Variants in CDH12 observed in about 807,000 individuals in gnomAD.
The protein encoded by CDH12 is cadherin-12.
Under a neutral mutation model 74.1 loss-of-function variants are expected in CDH12, and 41 were observed. The ratio of observed to expected loss-of-function variants is 0.55; its 90% CI spans 0.43 to 0.72. The LOEUF (loss-of-function observed/expected upper bound fraction) is 0.72. Among genes scored for constraint, CDH12 ranks in the 30% least tolerant of loss-of-function variants. The pLI is 0.00. For synonymous variants in CDH12, 399 were observed against 355.0 expected (o/e 1.12, Z -1.39); for missense variants, 945 against 977.2 (o/e 0.97, Z 0.44).
intron 3 of CDH12, among the ~76,000 whole-genome samples, chr5:22,232,949 C>T (rs6894437): frequency 1.3e-4 from 19 of 148,992 alleles, no homozygotes; most frequent in African/African-American, 4.4e-4. Context: ...TGTAGAGAAT[C>T]GAATAACCAT....
intron 3 of CDH12, among the ~76,000 whole-genome samples, chr5:22,245,227 A>G (rs1752906106): frequency 6.6e-6 from 1 of 152,192 alleles, no homozygotes; most frequent in African/African-American, 2.4e-5. Flanking sequence ...GGCTACTGAA[A>G]AATTATGAAC....
chr5:21,974,003 G>A (rs1222646529), intron 6 of CDH12, among the ~76,000 whole-genome samples: 1 of 151,794 alleles, frequency 6.6e-6, no homozygotes, highest in Non-Finnish European at 1.5e-5. Flanking sequence ...CTTAGGTCAA[G>A]GAGAGATTAT....
At chr5:21,850,209 C>T (rs188250192) in intron 7 of CDH12, among the ~76,000 whole-genome samples, 1 of 151,354 alleles carries the variant, frequency 6.6e-6, no homozygotes, top group Non-Finnish European at 1.5e-5. Context: ...ACAAGATAAA[C>T]AAGTTAAAAG....
At chr5:22,641,273 G>A (rs372167734) in intron 1 of CDH12, among the ~76,000 whole-genome samples, 2 of 152,158 alleles carry the variant, frequency 1.3e-5, no homozygotes, top group East Asian at 1.9e-4. Flanking sequence ...AAAGTCCTGA[G>A]AATCAGAATG....
intron 3 of CDH12, among the ~76,000 whole-genome samples, chr5:22,266,140 A>G (rs894189642): frequency 2.0e-5 from 3 of 151,806 alleles, no homozygotes; most frequent in Admixed American, 6.6e-5. Flanking sequence ...CAATGGCACA[A>G]TCTCGGCTCA....
chr5:21,869,046 G>A (rs1288259356), intron 6 of CDH12, among the ~76,000 whole-genome samples: 1 of 152,148 alleles, frequency 6.6e-6, no homozygotes, highest in Non-Finnish European at 1.5e-5. Flanking sequence ...ACACATAACA[G>A]TGATTCCATT....
intron 2 of CDH12, among the ~76,000 whole-genome samples, chr5:22,425,102 A>AG (rs1743847473): frequency 1.5e-5 from 2 of 137,760 alleles, no homozygotes; most frequent in African/African-American, 5.5e-5. Flanking sequence ...AGAGAGAGAG[A>AG]ATTTTTACAT....
chr5:22,353,170 C>A (rs1468608161), intron 3 of CDH12, among the ~76,000 whole-genome samples: 3 of 152,128 alleles, frequency 2.0e-5, no homozygotes, highest in African/African-American at 7.2e-5. Flanking sequence ...TTTACTAAAG[C>A]AATATGATGC....
chr5:22,421,870 G>A (rs34087422), intron 2 of CDH12, among the ~76,000 whole-genome samples: 49,310 of 151,944 alleles, frequency 0.32, 9,909 homozygotes, highest in Admixed American at 0.46. Flanking sequence ...ACTTTTTAAT[G>A]ATCACCATTC....
At chr5:22,419,248 C>A (rs376409441) in intron 2 of CDH12, among the ~76,000 whole-genome samples, 2 of 152,200 alleles carry the variant, frequency 1.3e-5, no homozygotes, top group East Asian at 3.9e-4. Context: ...TCTATCAACC[C>A]ATCACCTAGA....
chr5:22,507,407 T>A (rs181743896), intron 1 of CDH12, among the ~76,000 whole-genome samples: 1 of 152,180 alleles, frequency 6.6e-6, no homozygotes, highest in Non-Finnish European at 1.5e-5. Context: ...TCATTACAGC[T>A]AAATAGTAGT....
At chr5:22,628,792 G>C (rs1738429667) in intron 1 of CDH12, among the ~76,000 whole-genome samples, 1 of 151,902 alleles carries the variant, frequency 6.6e-6, no homozygotes, top group South Asian at 2.1e-4. Flanking sequence ...ACTTACAAAA[G>C]ATCGATGAAT....
intron 1 of CDH12, among the ~76,000 whole-genome samples, chr5:22,682,307 T>A (rs569751129): frequency 3.7e-4 from 57 of 152,216 alleles, no homozygotes; most frequent in African/African-American, 1.1e-3. Flanking sequence ...GCCTAGATAC[T>A]TAATAATTTG....
chr5:22,521,996 C>A (rs6896814), intron 1 of CDH12, among the ~76,000 whole-genome samples: 4,119 of 152,214 alleles, frequency 0.027, 188 homozygotes, highest in African/African-American at 0.095. Context: ...CTGTAAGTCA[C>A]AACTAGCAAT....
chr5:22,192,017 C>A lies in CDH12; in HGVS notation c.-187+20481G>T, dbSNP rs377628808. Among the ~76,000 whole-genome samples the A allele has an allele frequency of 2.1e-4, 32 of 152,244 alleles. 1 individual carries two copies. The East Asian group carries it at 2.5e-3, about 12-fold the overall frequency. ...GTGGCCTGATCTTGGCTCACAGCAACCTCTGCCTCCAGGATTCAAGTGATT... is the reference window on the plus strand; with the variant it reads ...GTGGCCTGATCTTGGCTCACAGCAAACTCTGCCTCCAGGATTCAAGTGATT... On this transcript the variant is annotated intron_variant, in intron 4 of 14. Transcript: ENST00000382254.
intron 3 of CDH12, among the ~76,000 whole-genome samples, chr5:22,300,762 T>C (rs1331728374): frequency 6.6e-6 from 1 of 152,222 alleles, no homozygotes; most frequent in Non-Finnish European, 1.5e-5. Flanking sequence ...AACGGTCACA[T>C]ACAAAACTCA....
intron 1 of CDH12, among the ~76,000 whole-genome samples, chr5:22,712,811 C>T (rs1743357033): frequency 6.6e-6 from 1 of 152,130 alleles, no homozygotes; most frequent in South Asian, 2.1e-4. Context: ...CTCTGGCTCT[C>T]CAGAAATCAT....
At chr5:21,800,561 G>A (rs1428018732) in intron 10 of CDH12, among the ~76,000 whole-genome samples, 2 of 152,164 alleles carry the variant, frequency 1.3e-5, no homozygotes, top group Non-Finnish European at 2.9e-5. Flanking sequence ...ATGACCACCT[G>A]CTGAAAAGAA....
At chr5:22,183,695 T>G (rs1197769389) in intron 4 of CDH12, among the ~76,000 whole-genome samples, 1 of 152,180 alleles carries the variant, frequency 6.6e-6, no homozygotes, top group African/African-American at 2.4e-5. Flanking sequence ...TAGGTACTAC[T>G]GCTAAGGATC....
Sources: allele counts gnomAD v4.1 joint callset (sites outside exome capture counted in the v4.1 genomes callset), GRCh38; gene constraint gnomAD v4.1.1; transcripts MANE v1.5; gene names NCBI Gene and HGNC (gene_info 2026-07-23, HGNC 2026-07-21).